Variants in KPNA6 observed in about 807,000 individuals in gnomAD.
KPNA6 encodes the protein karyopherin subunit alpha 6.
In KPNA6, 9 loss-of-function variants were observed where a neutral mutation model predicts 72.0. That is an observed-to-expected ratio of 0.13 (90% CI 0.08 to 0.22). The LOEUF (loss-of-function observed/expected upper bound fraction) is 0.22. Among genes scored for constraint, KPNA6 ranks in the 10% least tolerant of loss-of-function variants. The pLI, the probability that KPNA6 is intolerant of heterozygous loss-of-function variation, is 1.00. For missense variants in KPNA6, 374 were observed against 655.7 expected, an observed-to-expected ratio of 0.57 and a Z score of 4.69; for synonymous variants, 219 against 242.1, an observed-to-expected ratio of 0.90 and a Z score of 0.89.
At chr1:32,108,279 C>A in intron 1 of KPNA6, 145 bp downstream of exon 1, 1 of 1,222,210 alleles carries the variant, frequency 8.2e-7, no homozygotes, top group Admixed American at 2.0e-5. Flanking sequence ...CGGGAGTGCC[C>A]CTCTTGCCAG....
chr1:32,109,348 T>C (rs1369311602), intron 1 of KPNA6, among the ~76,000 whole-genome samples: 1 of 151,830 alleles, frequency 6.6e-6, no homozygotes, highest in East Asian at 1.9e-4. Flanking sequence ...TTTTGTGTGT[T>C]TTTGGTAGAG....
At chr1:32,156,735 C>A in intron 2 of KPNA6, 118 bp from the exon 3 acceptor site, 1 of 703,166 alleles carries the variant, frequency 1.4e-6, no homozygotes, top group Admixed American at 2.4e-5. Flanking sequence ...TAAAGCTTGG[C>A]CTCACTTCTC....
intron 8 of KPNA6, 77 bp downstream of exon 8, chr1:32,162,123 T>C: frequency 5.2e-6 from 6 of 1,158,024 alleles, no homozygotes; most frequent in South Asian, 2.6e-5. Context: ...GGGATACTCC[T>C]TGGAGTCTCA....
At chr1:32,114,472 A>ATT (rs1457143894) in intron 1 of KPNA6, among the ~76,000 whole-genome samples, 1 of 150,578 alleles carries the variant, frequency 6.6e-6, no homozygotes, top group Non-Finnish European at 1.5e-5. Flanking sequence ...ATATATATAT[A>ATT]TTCAGTAAAT....
intron 1 of KPNA6, among the ~76,000 whole-genome samples, chr1:32,143,587 GA>G (rs1176250291): frequency 7.1e-6 from 1 of 141,370 alleles, no homozygotes; most frequent in African/African-American, 2.7e-5. Context: ...AAAAAAAAAA[GA>G]AAAGAAAAAA....
At chr1:32,161,890 C>T (rs1642244263) in intron 7 of KPNA6, 57 bp from the exon 8 acceptor site, 1 of 1,324,496 alleles carries the variant, frequency 7.6e-7, no homozygotes, top group East Asian at 2.3e-5. Context: ...GGTTCATTGG[C>T]AACAGTCCTA....
intron 1 of KPNA6, among the ~76,000 whole-genome samples, chr1:32,109,738 G>A (rs1019947380): frequency 2.7e-5 from 4 of 150,474 alleles, no homozygotes; most frequent in Non-Finnish European, 5.9e-5. Context: ...CCACCTTCCC[G>A]GGTTCACGCC....
At chr1:32,145,124 TTTG>T (rs1192922266) in intron 1 of KPNA6, among the ~76,000 whole-genome samples, 2 of 151,616 alleles carry the variant, frequency 1.3e-5, no homozygotes, top group Admixed American at 6.6e-5. Flanking sequence ...AGCTAATTTT[TTTG>T]TTGTTGTATT....
intron 1 of KPNA6, among the ~76,000 whole-genome samples, chr1:32,132,132 G>A (rs189138060): frequency 2.6e-5 from 4 of 151,524 alleles, no homozygotes; most frequent in South Asian, 2.1e-4. Flanking sequence ...CACCATACCC[G>A]GCTAATATTT....
chr1:32,131,641 T>C (rs1284794913), intron 1 of KPNA6, among the ~76,000 whole-genome samples: 1 of 151,568 alleles, frequency 6.6e-6, no homozygotes, highest in Non-Finnish European at 1.5e-5. Flanking sequence ...CATATATGTA[T>C]GTGTATATAT....
At chr1:32,127,708 T>C (rs2124532064) in intron 1 of KPNA6, among the ~76,000 whole-genome samples, 1 of 152,336 alleles carries the variant, frequency 6.6e-6, no homozygotes, top group East Asian at 1.9e-4. Flanking sequence ...CCTTTGTTTT[T>C]ATGCCTCTTT....
At chr1:32,166,445 T>G (rs1219688904) in intron 11 of KPNA6, among the ~76,000 whole-genome samples, 2 of 151,028 alleles carry the variant, frequency 1.3e-5, no homozygotes, top group East Asian at 3.9e-4. Context: ...GCCAACATGG[T>G]GAAACCCCAT....
At chr1:32,130,222 A>ATTTT (rs55953899) in intron 1 of KPNA6, among the ~76,000 whole-genome samples, 27 of 103,112 alleles carry the variant, frequency 2.6e-4, no homozygotes, top group African/African-American at 8.4e-4. Flanking sequence ...GTAGATAAAT[A>ATTTT]TTTTTTTTTT....
intron 6 of KPNA6, among the ~76,000 whole-genome samples, chr1:32,159,748 G>C (rs767247270): frequency 6.6e-6 from 1 of 152,136 alleles, no homozygotes; most frequent in Non-Finnish European, 1.5e-5. Context: ...AACTCTAGGT[G>C]TTAGAGTCAG....
At chr1:32,133,889 A>T (rs1377475410) in intron 1 of KPNA6, among the ~76,000 whole-genome samples, 1 of 151,642 alleles carries the variant, frequency 6.6e-6, no homozygotes, top group Non-Finnish European at 1.5e-5. Flanking sequence ...AAAATACAAA[A>T]ATTAGCCAGG....
chr1:32,119,030 A>ATTT (rs1402526300), intron 1 of KPNA6, among the ~76,000 whole-genome samples: 58 of 56,514 alleles, frequency 1.0e-3, no homozygotes, highest in African/African-American at 2.3e-3. Context: ...ATATATATAT[A>ATTT]TATTTTTTTT....
intron 4 of KPNA6, among the ~76,000 whole-genome samples, chr1:32,157,696 CT>C (rs2124068767): frequency 6.6e-6 from 1 of 152,232 alleles, no homozygotes; most frequent in East Asian, 1.9e-4. Context: ...ACAGTTTTAT[CT>C]TTTTACCTTG....
intron 1 of KPNA6, among the ~76,000 whole-genome samples, chr1:32,144,967 T>C (rs952729410): frequency 2.6e-5 from 4 of 151,112 alleles, no homozygotes; most frequent in South Asian, 2.1e-4. Flanking sequence ...TTTTTTTTTT[T>C]CTTGAGATGG....
In KPNA6 at chr1:32,131,613, CAT is replaced by C. The variant is rs747109640; in HGVS notation, c.5-22967_5-22966del. ...TTTAAATCTTAAGTCTATACACACACATATATATACATATATACATATATGTA... is the reference window on the plus strand; with the variant it reads ...TTTAAATCTTAAGTCTATACACACACATATATACATATATACATATATGTA... On this transcript the variant is annotated intron_variant, in intron 1 of 13. Coordinates refer to ENST00000373625, the MANE Select transcript of KPNA6 (RefSeq NM_012316.5). Among the ~76,000 whole-genome samples, 130 of 151,230 alleles carry C rather than the reference CAT, an allele frequency of 8.6e-4. 3 individuals carry two copies. The South Asian group carries it at 0.025, about 30-fold the overall frequency.
Sources: gnomAD v4.1 joint callset for allele counts (sites outside exome capture counted in the v4.1 genomes callset) on GRCh38, gnomAD v4.1.1 for gene constraint, MANE v1.5 for transcripts, NCBI Gene and HGNC (gene_info 2026-07-23, HGNC 2026-07-21) for gene names.